The following NPHP3 variants were observed in gnomAD, a reference collection of about 807,000 sequenced individuals.
NPHP3 encodes nephrocystin-3.
A neutral mutation model predicts 171.9 loss-of-function variants in NPHP3; 123 were observed. That is an observed-to-expected ratio of 0.72 (90% CI 0.62 to 0.83). The LOEUF (loss-of-function observed/expected upper bound fraction) is 0.83, where lower values mean the gene tolerates loss of function less well. NPHP3 is among the 40% of genes least tolerant of loss of function. NPHP3 has a pLI of 0.00. For missense variants in NPHP3, 1,506 were observed against 1,591.9 expected, an observed-to-expected ratio of 0.95 and a Z score of 0.92; for synonymous variants, 558 against 579.2, an observed-to-expected ratio of 0.96 and a Z score of 0.52.
intron 23 of NPHP3, chr3:132,685,640 T>C (rs751044359): frequency 4.6e-5 from 7 of 152,268 alleles, no homozygotes; most frequent in African/African-American, 9.6e-5. Context: ...GTCTACATTA[T>C]TTACCATTAG....
intron 16 of NPHP3, 34 bp from the exon 17 acceptor site, chr3:132,692,852 A>T: frequency 6.3e-7 from 1 of 1,590,506 alleles, no homozygotes; most frequent in Non-Finnish European, 8.6e-7. Flanking sequence ...GTAATCATAA[A>T]GCACCTGTAT....
At chr3:132,715,267 T>C (rs766875929) in intron 4 of NPHP3, 49 bp from the exon 5 acceptor site, 1 of 1,552,874 alleles carries the variant, frequency 6.4e-7, no homozygotes, top group Non-Finnish European at 8.9e-7. Context: ...AGAACACATT[T>C]GATCATTCTA....
rs111752055 is a variant in NPHP3 at position 132,703,583 on chromosome 3, T to C, written c.1524+615A>G. ...TTTTCTTTTCTTTCTTTCTTTCTTTTTTTTTTTTTTTTTAAAGACAGGGTC... is the reference window on the plus strand; with the variant it reads ...TTTTCTTTTCTTTCTTTCTTTCTTTCTTTTTTTTTTTTTAAAGACAGGGTC... On this transcript the variant is annotated intron_variant, in intron 9 of 26. Coordinates refer to ENST00000337331, the MANE Select transcript of NPHP3 (RefSeq NM_153240.5). 3.0e-3 allele frequency among the ~76,000 whole-genome samples: 442 copies of C among 146,546 alleles called. 1 individual carries two copies. The highest frequency in any genetic ancestry group is 0.01 in the African/African-American group (392 of 37,406).
At position 132,689,182 on chromosome 3, in the gene NPHP3, T is replaced by C. The variant is rs1157147808; in HGVS notation, c.2775A>G (p.Ser925=). ...CGCAGTTTTTCTCATACTGCTTCAA[T>C]GAATCGAAGTATTCTGTTGCCATTG... ...KSAMATEYFD[S]LKQYEKNCEG... Residue 925 remains serine (S), a synonymous_variant, in exon 20 of 27, where the codon TCA becomes TCG. Transcript: ENST00000337331. 3 of 1,614,172 alleles carry C rather than the reference T, an allele frequency of 1.9e-6. 1 individual carries two copies. In the South Asian group the frequency reaches 3.3e-5, roughly 18 times the overall value.
chr3:132,702,319 G>T (rs1352623310), intron 9 of NPHP3, among the ~76,000 whole-genome samples: 1 of 152,094 alleles, frequency 6.6e-6, no homozygotes, highest in Non-Finnish European at 1.5e-5. Context: ...AATAACAGCA[G>T]GTTTTGTCTG....
Position 132,694,971 on chromosome 3 carries a change from G to A in NPHP3, c.2172-6C>T. 1 of 1,613,430 alleles carries A rather than the reference G, an allele frequency of 6.2e-7. No individual in the cohort carries two copies. ...AATTGCCTGCTCTCCCAGCACTGTT[G>A]GAATCGAGAAGAGATTTAATTTCTT... On this transcript the variant is annotated splice_region_variant and splice_polypyrimidine_tract_variant and intron_variant, in intron 15 of 26. Transcript: ENST00000337331.
intron 7 of NPHP3, 114 bp downstream of exon 7, chr3:132,707,987 C>T: frequency 1.0e-6 from 1 of 988,126 alleles, no homozygotes. Context: ...CTGTTCCAGC[C>T]ACACTGGTTT....
At chr3:132,696,528 A>G (rs748417672) in intron 15 of NPHP3, among the ~76,000 whole-genome samples, 2 of 152,212 alleles carry the variant, frequency 1.3e-5, no homozygotes, top group Non-Finnish European at 2.9e-5. Flanking sequence ...GAAGAAAATT[A>G]GACAAATCTA....
intron 5 of NPHP3, among the ~76,000 whole-genome samples, chr3:132,713,922 T>C (rs1425335359): frequency 2.0e-5 from 3 of 152,224 alleles, no homozygotes; most frequent in Non-Finnish European, 1.5e-5. Context: ...ACAGGGAAGA[T>C]GTTAATATAG....
intron 3 of NPHP3, chr3:132,717,500 T>C (rs763190409): frequency 6.5e-6 from 1 of 153,200 alleles, no homozygotes; most frequent in Non-Finnish European, 1.5e-5. Flanking sequence ...GCTAAATCTC[T>C]GGCAAAACTG....
chr3:132,721,105 A>G (rs1367096896), intron 1 of NPHP3, among the ~76,000 whole-genome samples: 1 of 151,946 alleles, frequency 6.6e-6, no homozygotes, highest in Admixed American at 6.6e-5. Flanking sequence ...TTTAGTAGAG[A>G]CGGGGTTTCA....
At chr3:132,689,933 A>G (rs1939257233) in intron 19 of NPHP3, among the ~76,000 whole-genome samples, 2 of 152,218 alleles carry the variant, frequency 1.3e-5, no homozygotes, top group African/African-American at 4.8e-5. Context: ...TACTTATTGT[A>G]TAAGAAATGT....
At chr3:132,701,615 A>C (rs1939608150) in intron 9 of NPHP3, 82 bp from the exon 10 acceptor site, 3 of 881,718 alleles carry the variant, frequency 3.4e-6, no homozygotes, top group Non-Finnish European at 5.6e-6. Context: ...TTATTCTTTG[A>C]AAATACTGGA....
At chr3:132,702,270 T>C (rs1176881196) in intron 9 of NPHP3, among the ~76,000 whole-genome samples, 4 of 152,022 alleles carry the variant, frequency 2.6e-5, no homozygotes, top group Non-Finnish European at 5.9e-5. Context: ...ACACCTGTCC[T>C]GGGAATCACC....
chr3:132,716,228 TATAA>T (rs1940048316), intron 4 of NPHP3, among the ~76,000 whole-genome samples: 1 of 152,260 alleles, frequency 6.6e-6, no homozygotes, highest in Non-Finnish European at 1.5e-5. Flanking sequence ...GTAAATACTA[TATAA>T]ATAGTTGTTA....
intron 15 of NPHP3, 151 bp from the exon 16 acceptor site, chr3:132,695,116 T>A (rs1290095309): frequency 7.2e-6 from 5 of 695,986 alleles, no homozygotes; most frequent in Admixed American, 7.0e-5. Flanking sequence ...GGTAGTTTTA[T>A]GGGGCTGCTA....
chr3:132,700,177 A>G, intron 11 of NPHP3, 116 bp from the exon 12 acceptor site: 1 of 1,303,966 alleles, frequency 7.7e-7, no homozygotes, highest in Non-Finnish European at 1.1e-6. Flanking sequence ...TCAAGTCACC[A>G]AGAGGACCCG....
chr3:132,719,951 T>C, intron 1 of NPHP3, 121 bp from the exon 2 acceptor site: 1 of 415,026 alleles, frequency 2.4e-6, no homozygotes, highest in Non-Finnish European at 3.6e-6. Flanking sequence ...AGTCTACTTA[T>C]TATTTTACCA....
chr3:132,690,429 T>C (rs1939270023), intron 19 of NPHP3, 99 bp downstream of exon 19: 1 of 1,145,820 alleles, frequency 8.7e-7, no homozygotes. Flanking sequence ...TTCAGATACT[T>C]AGACTAATTT....
Sources: gnomAD v4.1 joint callset for allele counts (sites outside exome capture counted in the v4.1 genomes callset) on GRCh38, gnomAD v4.1.1 for gene constraint, MANE v1.5 for transcripts, NCBI Gene and HGNC (gene_info 2026-07-23, HGNC 2026-07-21) for gene names.